FER1L6: variants seen among roughly 807,000 people sequenced by gnomAD.
The protein encoded by FER1L6 is fer-1 like family member 6, also known as fer-1-like protein 6.
Under a neutral mutation model 219.2 loss-of-function variants are expected in FER1L6, and 177 were observed. The observed-to-expected ratio is 0.81, with a 90% confidence interval of 0.71 to 0.91. The LOEUF is 0.91. FER1L6 is among the 40% of genes least tolerant of loss of function. The pLI is 0.00. For missense variants in FER1L6, 2,153 were observed against 2,259.9 expected, an observed-to-expected ratio of 0.95 and a Z score of 0.96; for synonymous variants, 768 against 824.3, an observed-to-expected ratio of 0.93 and a Z score of 1.17.
intron 13 of FER1L6, among the ~76,000 whole-genome samples, chr8:124,005,724 C>G (rs974886991): frequency 2.0e-5 from 3 of 152,194 alleles, no homozygotes; most frequent in Non-Finnish European, 4.4e-5. Context: ...ATTACTATAA[C>G]TGGATTGGGT....
chr8:123,951,687 A>T (rs4266633), intron 1 of FER1L6, among the ~76,000 whole-genome samples: 134 of 152,346 alleles, frequency 8.8e-4, no homozygotes, highest in African/African-American at 2.9e-3. Flanking sequence ...TATTCTTTGG[A>T]TGGAAAGAAT....
chr8:123,902,517 G>A (rs930063625), intron 1 of FER1L6, among the ~76,000 whole-genome samples: 1 of 152,130 alleles, frequency 6.6e-6, no homozygotes, highest in African/African-American at 2.4e-5. Context: ...GTTTAGGATT[G>A]TGATATTTTC....
At chr8:124,020,639 G>C (rs73326401) in intron 16 of FER1L6, among the ~76,000 whole-genome samples, 1 of 152,288 alleles carries the variant, frequency 6.6e-6, no homozygotes, top group Admixed American at 6.5e-5. Context: ...GGAAGAGGTG[G>C]TGAGTGCAGT....
chr8:123,923,082 G>A (rs1371818559), intron 1 of FER1L6, among the ~76,000 whole-genome samples: 5 of 152,196 alleles, frequency 3.3e-5, no homozygotes, highest in Non-Finnish European at 7.3e-5. Flanking sequence ...CGAATAAGCT[G>A]CTATGCAGCG....
intron 20 of FER1L6, among the ~76,000 whole-genome samples, chr8:124,043,908 C>T (rs1030683518): frequency 1.3e-5 from 2 of 152,204 alleles, no homozygotes; most frequent in Non-Finnish European, 2.9e-5. Flanking sequence ...TCGATACGCA[C>T]TTATTCATGC....
At chr8:123,957,447 A>G (rs887090180) in intron 2 of FER1L6, among the ~76,000 whole-genome samples, 1 of 152,224 alleles carries the variant, frequency 6.6e-6, no homozygotes, top group Non-Finnish European at 1.5e-5. Context: ...TGAATAAGGC[A>G]TAGTCCTTTC....
chr8:124,045,477 G>C (rs768762340), intron 20 of FER1L6, among the ~76,000 whole-genome samples: 1 of 152,224 alleles, frequency 6.6e-6, no homozygotes, highest in Non-Finnish European at 1.5e-5. Flanking sequence ...TGGCACTACT[G>C]TGAGGACTGA....
intron 1 of FER1L6, among the ~76,000 whole-genome samples, chr8:123,868,512 T>A (rs1315269750): frequency 1.3e-5 from 2 of 152,194 alleles, no homozygotes; most frequent in South Asian, 2.1e-4. Context: ...CTTTATATAA[T>A]GAAAATGCAT....
chr8:124,035,130 C>G (rs1819141133), intron 18 of FER1L6, 147 bp from the exon 19 acceptor site: 2 of 813,908 alleles, frequency 2.5e-6, no homozygotes. Context: ...GGGCCATTGT[C>G]TTTATTTTGA....
chr8:123,866,765 C>A (rs115708640), intron 1 of FER1L6, among the ~76,000 whole-genome samples: 3,672 of 152,052 alleles, frequency 0.024, 140 homozygotes, highest in African/African-American at 0.083. Flanking sequence ...CCACAGGTGC[C>A]TGTGACCATA....
chr8:123,935,130 A>C (rs1414118639), intron 1 of FER1L6, among the ~76,000 whole-genome samples: 1 of 152,172 alleles, frequency 6.6e-6, no homozygotes, highest in Non-Finnish European at 1.5e-5. Context: ...TGGTGACTTA[A>C]GTTTTTTTCT....
At chr8:123,955,858 C>T (rs1814991032) in intron 1 of FER1L6, 134 bp from the exon 2 acceptor site, 1 of 750,832 alleles carries the variant, frequency 1.3e-6, no homozygotes, top group South Asian at 1.8e-5. Flanking sequence ...TGATACTTGT[C>T]TTTTGCCCTC....
intron 33 of FER1L6, among the ~76,000 whole-genome samples, chr8:124,090,213 T>C (rs1050593682): frequency 1.2e-4 from 18 of 152,182 alleles, no homozygotes; most frequent in Non-Finnish European, 2.2e-4. Flanking sequence ...TCATACAGTC[T>C]CTCTTTCTGG....
chr8:124,056,745 A>C (rs1427035335), intron 22 of FER1L6, among the ~76,000 whole-genome samples: 1 of 152,140 alleles, frequency 6.6e-6, no homozygotes, highest in Non-Finnish European at 1.5e-5. Context: ...TGATCCTTAC[A>C]TATTATTAAG....
Position 123,963,303 on chromosome 8 carries a change from G to T in FER1L6, c.102G>T (p.Leu34=), listed in dbSNP as rs949502216. The change falls in exon 3 of 41, where the codon CTG becomes CTT. Residue 34 remains leucine (L), a synonymous_variant. Coordinates refer to ENST00000522917, the MANE Select transcript of FER1L6 (RefSeq NM_001039112.2). ...ATAGTCAAGGTGACACTGAAGCACT[G>T]CAGGAGGAGCCTTCTCACCAGGAAG... ...AKDSQGDTEA[L]QEEPSHQEGP... 1 of 1,614,072 alleles carries T rather than the reference G, an allele frequency of 6.2e-7. No homozygotes were observed. Among genetic ancestry groups the T allele is most frequent in the Admixed American group, 1.7e-5 (1 of 60,026 alleles).
At chr8:123,988,944 G>A (rs1362757749) in intron 12 of FER1L6, among the ~76,000 whole-genome samples, 1 of 152,082 alleles carries the variant, frequency 6.6e-6, no homozygotes, top group African/African-American at 2.4e-5. Context: ...TCCATTTGGT[G>A]TGAAACTAGC....
chr8:123,929,366 G>C (rs1332417753), intron 1 of FER1L6, among the ~76,000 whole-genome samples: 1 of 152,130 alleles, frequency 6.6e-6, no homozygotes, highest in Non-Finnish European at 1.5e-5. Flanking sequence ...TTAAAAATTG[G>C]AGAGGTTCAA....
In FER1L6 at chr8:124,066,566, C is replaced by A. The variant is rs1161834340; in HGVS notation, c.3678+16C>A. 6.2e-7 allele frequency: 1 copy of A among 1,610,564 alleles called. No individual in the cohort carries two copies. Among genetic ancestry groups the A allele is most frequent in the Admixed American group, 1.7e-5 (1 of 59,300 alleles). On this transcript the variant is annotated intron_variant, in intron 27 of 40. Transcript: ENST00000522917. ...AGCCCAGAAGGTAGAGTCTCCCCTA[C>A]CTGTGGCAGTTAAGAGATTCAATAA...
chr8:123,949,534 T>C (rs981797113), intron 1 of FER1L6, among the ~76,000 whole-genome samples: 2 of 152,144 alleles, frequency 1.3e-5, no homozygotes, highest in African/African-American at 4.8e-5. Flanking sequence ...AACCCAGACA[T>C]CAAATAGGGA....
Sources: allele counts gnomAD v4.1 joint callset (sites outside exome capture counted in the v4.1 genomes callset), GRCh38; gene constraint gnomAD v4.1.1; transcripts MANE v1.5; gene names NCBI Gene and HGNC (gene_info 2026-07-23, HGNC 2026-07-21).